PDE4D: variants seen among roughly 807,000 people sequenced by gnomAD.
The protein encoded by PDE4D is phosphodiesterase 4D.
A neutral mutation model predicts 87.4 loss-of-function variants in PDE4D; 24 were observed. The ratio of observed to expected loss-of-function variants is 0.27; its 90% CI spans 0.20 to 0.39. PDE4D has a LOEUF of 0.39. Among genes scored for constraint, PDE4D ranks in the 10% least tolerant of loss-of-function variants. The pLI is 1.00. For synonymous variants in PDE4D, 384 were observed against 383.2 expected (o/e 1.00, Z -0.02); for missense variants, 714 against 1,041.0 (o/e 0.69, Z 4.32).
At chr5:59,333,267 T>C (rs1411515371) in intron 1 of PDE4D, among the ~76,000 whole-genome samples, 2 of 152,118 alleles carry the variant, frequency 1.3e-5, no homozygotes, top group African/African-American at 4.8e-5. Context: ...TCTGTTATCT[T>C]CTTTTTTTTA....
At chr5:59,677,456 T>C (rs936098783) in intron 1 of PDE4D, among the ~76,000 whole-genome samples, 8 of 152,160 alleles carry the variant, frequency 5.3e-5, no homozygotes, top group Admixed American at 1.3e-4. Context: ...ACCTGAACCA[T>C]CTAGGGCAGA....
intron 1 of PDE4D, among the ~76,000 whole-genome samples, chr5:60,315,850 C>G (rs542110165): frequency 6.6e-6 from 1 of 152,000 alleles, no homozygotes; most frequent in Non-Finnish European, 1.5e-5. Context: ...GTCTATATCT[C>G]TGTTTTGGTA....
chr5:59,954,111 G>T (rs1305595589), intron 3 of PDE4D, among the ~76,000 whole-genome samples: 1 of 41,602 alleles, frequency 2.4e-5, no homozygotes, highest in Non-Finnish European at 5.0e-5. Flanking sequence ...TTTTAGGAGA[G>T]ACGGGTTTCA....
intron 1 of PDE4D, among the ~76,000 whole-genome samples, chr5:59,518,204 T>C (rs990693324): frequency 1.3e-5 from 2 of 151,704 alleles, no homozygotes; most frequent in African/African-American, 4.8e-5. Flanking sequence ...TGTGTGTGTG[T>C]GTGTGTGTGT....
intron 2 of PDE4D, among the ~76,000 whole-genome samples, chr5:60,098,651 ATTAATT>A (rs1775938461): frequency 2.0e-5 from 3 of 152,004 alleles, no homozygotes; most frequent in South Asian, 2.1e-4. Context: ...TGCTGAATTT[ATTAATT>A]TTAAGTTTTT....
chr5:60,255,034 G>C (rs1242291365), intron 1 of PDE4D, among the ~76,000 whole-genome samples: 1 of 151,856 alleles, frequency 6.6e-6, no homozygotes, highest in Non-Finnish European at 1.5e-5. Flanking sequence ...TGCTGCCTCA[G>C]TTTACACTTT....
intron 1 of PDE4D, among the ~76,000 whole-genome samples, chr5:60,349,104 G>T (rs1338165431): frequency 6.6e-6 from 1 of 152,070 alleles, no homozygotes; most frequent in Non-Finnish European, 1.5e-5. Flanking sequence ...GGAAAATGTT[G>T]AATGCATTAG....
At chr5:60,390,911 C>A (rs1380285104) in intron 1 of PDE4D, among the ~76,000 whole-genome samples, 2 of 152,120 alleles carry the variant, frequency 1.3e-5, no homozygotes, top group Non-Finnish European at 2.9e-5. Flanking sequence ...TTACATATCA[C>A]CTTCTCAGTG....
intron 5 of PDE4D, among the ~76,000 whole-genome samples, chr5:59,047,438 A>C (rs936981685): frequency 8.5e-5 from 13 of 152,230 alleles, no homozygotes; most frequent in Non-Finnish European, 1.9e-4. Flanking sequence ...ATACTATTCT[A>C]AGACAATATT....
chr5:60,492,940 T>C (rs1415399028), upstream of PDE4D, among the ~76,000 whole-genome samples: 1 of 150,918 alleles, frequency 6.6e-6, no homozygotes, highest in African/African-American at 2.4e-5. Context: ...TGAAGGTGAA[T>C]TAATGAACTG....
At chr5:60,354,452 A>AT (rs1290733254) in intron 1 of PDE4D, among the ~76,000 whole-genome samples, 1 of 152,196 alleles carries the variant, frequency 6.6e-6, no homozygotes, top group African/African-American at 2.4e-5. Flanking sequence ...AGCAGTCTCC[A>AT]TACATAGCAA....
intron 2 of PDE4D, among the ~76,000 whole-genome samples, chr5:60,151,922 T>C (rs1405325287): frequency 1.3e-5 from 2 of 152,230 alleles, no homozygotes; most frequent in African/African-American, 4.8e-5. Context: ...ATTCTTTCTA[T>C]ACCTAATGTA....
In PDE4D at chr5:58,988,523, C is replaced by A; in HGVS notation, c.1522G>T (p.Gly508Cys). Residue 508 changes from glycine to cysteine, a missense_variant, in exon 11 of 15, where the codon GGT becomes TGT. This residue lies in a region of PDE4D where 141 missense variants were observed against 204.3 expected (regional missense o/e 0.69). Transcript: ENST00000340635. ...TTGATCAGAAATTGATTGGACACAC[C>A]AGGATGATCTACATCATGTATTGCA... ...ASAIHDVDHP[G>C]VSNQFLINTN... 6.7e-7 allele frequency: 1 copy of A among 1,496,368 alleles called. No homozygotes were observed. The allele number at this position is 1,496,368 out of a possible 1,614,324, so 92.7% of individuals were successfully genotyped here.
chr5:60,059,094 A>G (rs1389616773), intron 2 of PDE4D, among the ~76,000 whole-genome samples: 2 of 134,222 alleles, frequency 1.5e-5, no homozygotes, highest in Non-Finnish European at 3.2e-5. Context: ...TAAACATGTT[A>G]TTTCTCCATT....
In PDE4D at chr5:59,067,455, T is replaced by A. The variant is rs188400277; in HGVS notation, c.809-28484A>T. Among the ~76,000 whole-genome samples the A allele has an allele frequency of 4.5e-3, 691 of 152,312 alleles. 6 individuals carry two copies. Among genetic ancestry groups the A allele is most frequent in the African/African-American group, 0.016 (658 of 41,568 alleles). Reference sequence around the variant, plus strand: ...ATATATGTTTGACAATATGTTTCAATTAGTACTTTTTTTGAAATGCAGTAA... The same window carrying A: ...ATATATGTTTGACAATATGTTTCAAATAGTACTTTTTTTGAAATGCAGTAA... On this transcript the variant is annotated intron_variant, in intron 5 of 14. Coordinates refer to ENST00000340635, the MANE Select transcript of PDE4D (RefSeq NM_001104631.2).
chr5:59,162,681 A>G (rs553602545), intron 5 of PDE4D, among the ~76,000 whole-genome samples: 5 of 151,510 alleles, frequency 3.3e-5, no homozygotes, highest in Admixed American at 2.0e-4. Context: ...TCTAAAAAAA[A>G]AAAAAAAAAT....
At chr5:59,785,684 T>C (rs761379365) in intron 1 of PDE4D, among the ~76,000 whole-genome samples, 2 of 152,236 alleles carry the variant, frequency 1.3e-5, no homozygotes, top group Admixed American at 6.5e-5. Context: ...ATAAGAAAGA[T>C]GTCAACACAA....
rs1050288477 is a variant in PDE4D at position 60,436,475 on chromosome 5, C to T, written c.-90+51467G>A. Among the ~76,000 whole-genome samples, 3 of 152,136 alleles carry T rather than the reference C, an allele frequency of 2.0e-5. No homozygotes were observed. In the East Asian group the frequency reaches 5.8e-4, roughly 29 times the overall value. On this transcript the variant is annotated intron_variant, in intron 1 of 16. Transcript: ENST00000502484. ...AAATCCTATGCTTTCAATACAAGAG[C>T]ACTGTATTTGTATTTAAAAATTAAT...
At chr5:60,058,941 T>G (rs1385121313) in intron 2 of PDE4D, among the ~76,000 whole-genome samples, 3 of 151,768 alleles carry the variant, frequency 2.0e-5, no homozygotes, top group Non-Finnish European at 4.4e-5. Flanking sequence ...ATGTATATAT[T>G]CAGAAAAATG....
Sources: allele counts gnomAD v4.1 joint callset (sites outside exome capture counted in the v4.1 genomes callset), GRCh38; gene constraint gnomAD v4.1.1; regional missense constraint gnomAD v4.1.1; transcripts MANE v1.5; gene names NCBI Gene and HGNC (gene_info 2026-07-23, HGNC 2026-07-21).